Variants in GK observed in about 807,000 individuals in gnomAD.
GK encodes the protein glycerol kinase.
GK carries 9 observed loss-of-function variants against 56.4 expected under a neutral mutation model. The ratio of observed to expected loss-of-function variants is 0.16; its 90% CI spans 0.10 to 0.28. GK has a LOEUF of 0.28. Ranked by LOEUF, GK falls within the 10% of genes least tolerant of loss-of-function variation. The pLI is 1.00. For missense variants in GK, 161 were observed against 431.4 expected, an observed-to-expected ratio of 0.37 and a Z score of 5.55; for synonymous variants, 104 against 144.1, an observed-to-expected ratio of 0.72 and a Z score of 1.99.
At chrX:30,669,111 C>G (rs1162162802) in intron 3 of GK, among the ~76,000 whole-genome samples, 1 of 109,786 alleles carries the variant, frequency 9.1e-6, no homozygotes, top group Non-Finnish European at 1.9e-5. Flanking sequence ...AAACTCTTCA[C>G]TTCTAAAATT....
At chrX:30,727,869 T>C (rs1937208236) in intron 20 of GK, among the ~76,000 whole-genome samples, 1 of 111,799 alleles carries the variant, frequency 8.9e-6, no homozygotes, top group African/African-American at 3.2e-5. Context: ...CTGCTGAAAG[T>C]TAAAGTATAC....
At chrX:30,687,658 G>C (rs775467465) in intron 4 of GK, 11 of 337,074 alleles carry the variant, frequency 3.3e-5, no homozygotes, top group Non-Finnish European at 6.5e-5. Context: ...AGCCTCCCAA[G>C]TCCTATATGT....
At chrX:30,656,631 C>T (rs1378744944) in intron 1 of GK, among the ~76,000 whole-genome samples, 1 of 110,695 alleles carries the variant, frequency 9.0e-6, no homozygotes, top group Non-Finnish European at 1.9e-5. Context: ...TTTAAAAATA[C>T]TTCTATTAAT....
chrX:30,709,304 G>T (rs757682941), intron 13 of GK, among the ~76,000 whole-genome samples: 15 of 111,634 alleles, frequency 1.3e-4, no homozygotes, highest in East Asian at 5.6e-4. Context: ...GGGGTCACTC[G>T]GTCTTAACTC....
intron 7 of GK, 150 bp downstream of exon 7, chrX:30,696,301 AAG>A (rs1935230706): frequency 2.1e-6 from 1 of 481,596 alleles, no homozygotes; most frequent in Admixed American, 3.2e-5. Flanking sequence ...GTGTTTTTTA[AAG>A]AGAGACTATT....
At chrX:30,692,966 A>AATC (rs200190869) in intron 5 of GK, among the ~76,000 whole-genome samples, 5,203 of 106,546 alleles carry the variant, frequency 0.049, 168 homozygotes, top group Non-Finnish European at 0.074. Flanking sequence ...TGGGGAGGGG[A>AATC]ATCATAGTTG....
chrX:30,681,374 TA>T (rs946167672), intron 4 of GK, among the ~76,000 whole-genome samples: 1 of 111,755 alleles, frequency 8.9e-6, no homozygotes, highest in African/African-American at 3.3e-5. Flanking sequence ...AGCTGGAAGA[TA>T]AATCAGAACT....
At position 30,662,869 on chromosome X, in the gene GK, C is replaced by CTTTCTTTCTTTCTTTCTTTCTT. The variant is rs10644351; in HGVS notation, c.79-2641_79-2640insTTCTTTCTTTCTTTCTTTCTTT. On this transcript the variant is annotated intron_variant, in intron 1 of 20. Transcript: ENST00000427190. ...TCTTTCTTTCTTTCTTTCTTTCTTTCTCTTTCTTTCTTTCTTTCTTTCTTT... is the reference window on the plus strand; with the variant it reads ...TCTTTCTTTCTTTCTTTCTTTCTTTCTTTCTTTCTTTCTTTCTTTCTTTCTTTCTTTCTTTCTTTCTTTCTTT... 3.0e-4 allele frequency among the ~76,000 whole-genome samples: 18 copies of CTTTCTTTCTTTCTTTCTTTCTT among 60,321 alleles called. 2 individuals are homozygous for CTTTCTTTCTTTCTTTCTTTCTT. The highest frequency in any genetic ancestry group is 1.1e-3 in the South Asian group (1 of 887). 52.4% of individuals were successfully genotyped at this position (60,321 alleles called of 115,157 possible).
chrX:30,719,376 C>T (rs776393188), intron 14 of GK, 43 bp from the exon 15 acceptor site: 1 of 822,442 alleles, frequency 1.2e-6, no homozygotes, highest in African/African-American at 2.0e-5. Context: ...TAATAATACA[C>T]AATATTTGTG....
chrX:30,656,109 C>T (rs1214546602), intron 1 of GK, among the ~76,000 whole-genome samples: 1 of 111,911 alleles, frequency 8.9e-6, no homozygotes, highest in African/African-American at 3.2e-5. Flanking sequence ...AATGGTTTAG[C>T]AAGGTGTTTT....
chrX:30,687,743 A>G (rs1241168765), intron 4 of GK: 6 of 276,572 alleles, frequency 2.2e-5, no homozygotes, highest in Non-Finnish European at 4.3e-5. Context: ...TACCTACACA[A>G]GGGGCTTAGT....
chrX:30,693,016 T>C lies in GK; in HGVS notation c.415-1384T>C, dbSNP rs867909434. On this transcript the variant is annotated intron_variant, in intron 5 of 20. Transcript: ENST00000427190. ...ATGTATTTTCTTTTTCTTTTCTTTT[T>C]TTTTTTTTTTTTTTTTTTGAGACGG... Among the ~76,000 whole-genome samples, 481 of 85,743 alleles carry C rather than the reference T, an allele frequency of 5.6e-3. 3 individuals carry two copies. The highest frequency in any genetic ancestry group is 0.02 in the African/African-American group (458 of 22,988). 74.5% of individuals were successfully genotyped at this position (85,743 alleles called of 115,157 possible). A position where few individuals can be genotyped will look rare whatever the true frequency, so the allele number is the denominator to read the frequency against.
intron 1 of GK, among the ~76,000 whole-genome samples, chrX:30,656,027 A>G (rs943088052): frequency 3.6e-5 from 4 of 112,180 alleles, no homozygotes; most frequent in African/African-American, 6.5e-5. Context: ...TTGAGAAACA[A>G]CTATGAAAGC....
At chrX:30,698,880 A>AAG (rs1389198089) in intron 9 of GK, among the ~76,000 whole-genome samples, 65 of 107,530 alleles carry the variant, frequency 6.0e-4, no homozygotes, top group East Asian at 4.3e-3. Flanking sequence ...AAAAAAAAAA[A>AAG]AAAAGAAAAG....
chrX:30,730,393 G>A lies in GK; in HGVS notation c.*1651G>A, dbSNP rs1163252740. ...GACATAAATATTATAGAAAGGTACT[G>A]TGAAATGATCACTTTGTGGCAGGGG... On this transcript the variant is annotated 3_prime_UTR_variant, in exon 21 of 21. Transcript: ENST00000427190. 8.9e-6 allele frequency: 1 copy of A among 111,752 alleles called. No homozygotes were observed. The highest frequency in any genetic ancestry group is 1.9e-5 in the Non-Finnish European group (1 of 53,182). The allele number at this position is 111,752 out of a possible 1,213,427, so 9.2% of individuals were successfully genotyped here. A position where few individuals can be genotyped will look rare whatever the true frequency, so the allele number is the denominator to read the frequency against.
intron 4 of GK, 50 bp downstream of exon 4, chrX:30,677,502 A>C: frequency 2.9e-6 from 2 of 695,655 alleles, no homozygotes; most frequent in Non-Finnish European, 4.7e-6. Context: ...TTCACATTGC[A>C]AATGTGGTCA....
In GK at chrX:30,710,403, G is replaced by A. The variant is rs1237701892; in HGVS notation, c.975+2269G>A. Reference sequence around the variant, plus strand: ...CACATACGCATACTAATATGTTAACGGTGTAGTTAGAATTTTTTTCTTTGT... The same window carrying A: ...CACATACGCATACTAATATGTTAACAGTGTAGTTAGAATTTTTTTCTTTGT... On this transcript the variant is annotated intron_variant, in intron 13 of 20. Coordinates refer to ENST00000427190, the MANE Select transcript of GK (RefSeq NM_001205019.2). Among the ~76,000 whole-genome samples the A allele has an allele frequency of 2.7e-5, 3 of 111,131 alleles. No individual in the cohort carries two copies. The East Asian group carries it at 8.3e-4, about 31-fold the overall frequency.
chrX:30,696,196 C>T, intron 7 of GK, 45 bp downstream of exon 7: 2 of 692,264 alleles, frequency 2.9e-6, no homozygotes, highest in Non-Finnish European at 4.7e-6. Context: ...AATACACTAC[C>T]TATTTATAAC....
intron 1 of GK, among the ~76,000 whole-genome samples, chrX:30,654,216 G>A (rs893953832): frequency 1.8e-5 from 2 of 112,375 alleles, no homozygotes; most frequent in Non-Finnish European, 3.8e-5. Context: ...ATTTAATTCC[G>A]AAGACTCGCA....
Sources: gnomAD v4.1 joint callset for allele counts (sites outside exome capture counted in the v4.1 genomes callset) on GRCh38, gnomAD v4.1.1 for gene constraint, MANE v1.5 for transcripts, NCBI Gene and HGNC (gene_info 2026-07-23, HGNC 2026-07-21) for gene names.